Variants in EYA3 observed in about 807,000 individuals in gnomAD.
The protein encoded by EYA3 is protein phosphatase EYA3.
A neutral mutation model predicts 80.0 loss-of-function variants in EYA3; 39 were observed. That is an observed-to-expected ratio of 0.49 (90% CI 0.38 to 0.64). The LOEUF (loss-of-function observed/expected upper bound fraction) is 0.64, where lower values mean the gene tolerates loss of function less well. Ranked by LOEUF, EYA3 falls within the 30% of genes least tolerant of loss-of-function variation. EYA3 has a pLI of 0.00. For synonymous variants in EYA3, 206 were observed against 232.8 expected (o/e 0.88, Z 1.05); for missense variants, 523 against 676.1 (o/e 0.77, Z 2.51).
At chr1:28,044,225 T>C (rs1643918964) in intron 3 of EYA3, among the ~76,000 whole-genome samples, 1 of 152,186 alleles carries the variant, frequency 6.6e-6, no homozygotes, top group African/African-American at 2.4e-5. Flanking sequence ...AGCACAGTGG[T>C]TAGGAGTGTT....
chr1:28,030,689 C>T (rs1049005669), intron 6 of EYA3, among the ~76,000 whole-genome samples: 1 of 152,172 alleles, frequency 6.6e-6, no homozygotes, highest in Admixed American at 6.5e-5. Context: ...ATACTGACAT[C>T]GCTAGCATGA....
intron 12 of EYA3, among the ~76,000 whole-genome samples, chr1:27,998,923 C>A (rs1046451841): frequency 1.3e-5 from 2 of 152,042 alleles, no homozygotes; most frequent in Non-Finnish European, 2.9e-5. Context: ...TGTGCGCCAC[C>A]ATGCCCGGCT....
chr1:28,050,244 G>A (rs1230716958), intron 2 of EYA3, among the ~76,000 whole-genome samples: 1 of 150,118 alleles, frequency 6.7e-6, no homozygotes, highest in African/African-American at 2.5e-5. Context: ...CCAGGCTGGA[G>A]TGCCATGGCG....
chr1:28,077,365 C>T (rs1256319975), intron 1 of EYA3, among the ~76,000 whole-genome samples: 2 of 152,122 alleles, frequency 1.3e-5, no homozygotes, highest in Non-Finnish European at 2.9e-5. Context: ...CTCAGCTTCC[C>T]AAAGTGCTGG....
At chr1:28,084,941 T>C (rs906541454) in intron 1 of EYA3, among the ~76,000 whole-genome samples, 2 of 152,080 alleles carry the variant, frequency 1.3e-5, no homozygotes, top group East Asian at 1.9e-4. Context: ...ATTTAAATCA[T>C]ACATGAGCTA....
At chr1:27,982,197 C>T (rs1037010149) in intron 16 of EYA3, among the ~76,000 whole-genome samples, 1 of 152,040 alleles carries the variant, frequency 6.6e-6, no homozygotes, top group East Asian at 1.9e-4. Context: ...TGGGTTTCAC[C>T]GTGATGCCCA....
At chr1:27,999,923 G>T in intron 12 of EYA3, 37 bp downstream of exon 12, 6 of 1,383,360 alleles carry the variant, frequency 4.3e-6, no homozygotes, top group Non-Finnish European at 6.1e-6. Flanking sequence ...TGAATGAAGT[G>T]TCTCAGTGAA....
Position 28,073,128 on chromosome 1 carries a change from T to TATATATATATATATATATATA in EYA3, c.-68-15035_-68-15034insTATATATATATATATATATAT, listed in dbSNP as rs58073802. 3.1e-4 allele frequency among the ~76,000 whole-genome samples: 9 copies of TATATATATATATATATATATA among 29,220 alleles called. 1 individual carries two copies. Among genetic ancestry groups the TATATATATATATATATATATA allele is most frequent in the East Asian group, 1.2e-3 (1 of 840 alleles). 19.2% of individuals were successfully genotyped at this position (29,220 alleles called of 152,430 possible). ...TTATATATATATATATATATATATA[T>TATATATATATATATATATATA]TTTTTTTTTTTTTTTTTTTTTTTAG... On this transcript the variant is annotated intron_variant, in intron 1 of 17. Transcript: ENST00000373871.
At chr1:28,050,185 T>G (rs562984515) in intron 2 of EYA3, among the ~76,000 whole-genome samples, 18 of 134,620 alleles carry the variant, frequency 1.3e-4, no homozygotes, top group African/African-American at 4.5e-4. Context: ...TTTATTATTA[T>G]TATTATTATT....
At position 28,006,934 on chromosome 1, in the gene EYA3, C is replaced by CTTT. The variant is rs58401673; in HGVS notation, c.910-2518_910-2516dup. Among the ~76,000 whole-genome samples the CTTT allele has an allele frequency of 3.0e-3, 276 of 91,990 alleles. 3 individuals carry two copies. Among genetic ancestry groups the CTTT allele is most frequent in the East Asian group, 4.8e-3 (13 of 2,726 alleles). The allele number at this position is 91,990 out of a possible 152,430, so 60.3% of individuals were successfully genotyped here. The stretch of plus-strand genomic sequence containing the variant: ...ATTATCTGTTTGCAGATGACATAAT[C>CTTT]TTTTTTTTTTTTTTTTTTTTTTTTG... On this transcript the variant is annotated intron_variant, in intron 10 of 17. Transcript: ENST00000373871.
At chr1:27,985,262 C>A (rs77809679) in intron 16 of EYA3, among the ~76,000 whole-genome samples, 2,015 of 68,236 alleles carry the variant, frequency 0.03, 20 homozygotes, top group African/African-American at 0.044. Flanking sequence ...ACAAAAAAAA[C>A]AAAAACAAAA....
At chr1:27,991,776 A>G (rs1640083561) in intron 14 of EYA3, among the ~76,000 whole-genome samples, 1 of 152,254 alleles carries the variant, frequency 6.6e-6, no homozygotes, top group Non-Finnish European at 1.5e-5. Context: ...ACAGCTGGCC[A>G]TTAATTTTAA....
Position 28,004,408 on chromosome 1 carries a change from C to T in EYA3, c.921G>A (p.Leu307=). Residue 307 remains leucine, a synonymous_variant, in exon 11 of 18, where the codon CTG becomes CTA. Coordinates refer to ENST00000373871, the MANE Select transcript of EYA3 (RefSeq NM_001990.4). ...TGATGATGGTTTCATCCAAGTCCCA[C>T]AGAAATACCCGCTGAGGAAAGAAAA... ...SQDSELERVF[L]WDLDETIIIF... 6.2e-7 allele frequency: 1 copy of T among 1,607,102 alleles called. No homozygotes were observed. The highest frequency in any genetic ancestry group is 2.2e-5 in the East Asian group (1 of 44,774).
chr1:28,013,174 T>C lies in EYA3; in HGVS notation c.706A>G (p.Thr236Ala). Residue 236 changes from threonine (T) to alanine (A), a missense_variant, in exon 9 of 18, where the codon ACA (threonine) becomes GCA (alanine). Transcript: ENST00000373871. The surrounding 1 kb of genome is among the most constrained non-coding windows in gnomAD (Gnocchi z 4.0). ...ACACTAGGCTTCTCCGACTGGTATGTGGTTGCTGCTAATGTGGTGCTCTCT... is the reference window on the plus strand; with the variant it reads ...ACACTAGGCTTCTCCGACTGGTATGCGGTTGCTGCTAATGTGGTGCTCTCT... ...DAESTTLAAT[T>A]YQSEKPSVMA... is the part of the protein sequence containing the mutation. 1 of 1,614,134 alleles carries C rather than the reference T, an allele frequency of 6.2e-7. No individual in the cohort carries two copies.
chr1:28,085,045 C>G (rs911553951), intron 1 of EYA3, among the ~76,000 whole-genome samples: 7 of 152,034 alleles, frequency 4.6e-5, no homozygotes, highest in Middle Eastern at 3.2e-3. Flanking sequence ...ATAATCAAAA[C>G]AAAATAAATG....
intron 16 of EYA3, among the ~76,000 whole-genome samples, chr1:27,988,213 G>C (rs1009456208): frequency 6.6e-6 from 1 of 152,096 alleles, no homozygotes; most frequent in African/African-American, 2.4e-5. Flanking sequence ...TTTTAACCTA[G>C]TGCTTTTTCT....
intron 1 of EYA3, among the ~76,000 whole-genome samples, chr1:28,059,909 G>A (rs923323537): frequency 1.3e-5 from 2 of 151,720 alleles, no homozygotes; most frequent in Admixed American, 6.6e-5. Flanking sequence ...AGTAGAGATG[G>A]GTTTTTGCCA....
At position 28,077,638 on chromosome 1, in the gene EYA3, G is replaced by GA. The variant is rs200519790; in HGVS notation, c.-69+10885dup. ...TGTAGTGGGTGTTAACAAGTGACATGAAAAAAAAACAAGAAATCAAAAAGA... is the reference window on the plus strand; with the variant it reads ...TGTAGTGGGTGTTAACAAGTGACATGAAAAAAAAAACAAGAAATCAAAAAGA... On this transcript the variant is annotated intron_variant, in intron 1 of 17. Coordinates refer to ENST00000373871, the MANE Select transcript of EYA3 (RefSeq NM_001990.4). Among the ~76,000 whole-genome samples, 408 of 148,388 alleles carry GA rather than the reference G, an allele frequency of 2.7e-3. 5 individuals are homozygous for GA. The highest frequency in any genetic ancestry group is 9.4e-3 in the African/African-American group (380 of 40,504).
intron 4 of EYA3, among the ~76,000 whole-genome samples, chr1:28,040,684 G>A (rs946700695): frequency 1.3e-5 from 2 of 152,118 alleles, no homozygotes; most frequent in African/African-American, 4.8e-5. Context: ...TGGCCTTGAC[G>A]ACAGCAGTTT....
Sources: allele counts gnomAD v4.1 joint callset (sites outside exome capture counted in the v4.1 genomes callset), GRCh38; gene constraint gnomAD v4.1.1; non-coding constraint Gnocchi (gnomAD v3.1); transcripts MANE v1.5; gene names NCBI Gene and HGNC (gene_info 2026-07-23, HGNC 2026-07-21).